Variants in CAMTA1 observed in about 807,000 individuals in gnomAD.
CAMTA1 encodes the protein calmodulin binding transcription activator 1, also known as calmodulin-binding transcription activator 1.
In CAMTA1, 27 loss-of-function variants were observed where a neutral mutation model predicts 170.9. That is an observed-to-expected ratio of 0.16 (90% CI 0.12 to 0.22). The LOEUF is 0.22. Among genes scored for constraint, CAMTA1 ranks in the 10% least tolerant of loss-of-function variants. The pLI, the probability that CAMTA1 is intolerant of heterozygous loss-of-function variation, is 1.00. For missense variants in CAMTA1, 1,619 were observed against 2,217.2 expected (o/e 0.73, Z 5.42); for synonymous variants, 833 against 891.5 (o/e 0.93, Z 1.17).
In CAMTA1 at chr1:7,732,391, G is replaced by C; in HGVS notation, c.2915-57G>C. The C allele has an allele frequency of 1.3e-6, 2 of 1,523,806 alleles. No homozygotes were observed. Among genetic ancestry groups the C allele is most frequent in the Non-Finnish European group, 1.8e-6 (2 of 1,099,748 alleles). The allele number at this position is 1,523,806 out of a possible 1,614,324, so 94.4% of individuals were successfully genotyped here. A position where few individuals can be genotyped will look rare whatever the true frequency, so the allele number is the denominator to read the frequency against. Reference sequence around the variant, plus strand: ...GGTCCCGCAAGGCTGGCGAGGCCACGTGTTGACTGCTTTTCTTCCAGAACA... The same window carrying C: ...GGTCCCGCAAGGCTGGCGAGGCCACCTGTTGACTGCTTTTCTTCCAGAACA... On this transcript the variant is annotated intron_variant, in intron 11 of 22. Transcript: ENST00000303635. This position sits in a 1 kb window ranked among gnomAD's most constrained non-coding sequence, Gnocchi z 4.1.
intron 3 of CAMTA1, among the ~76,000 whole-genome samples, chr1:6,905,865 A>G (rs1439607902): frequency 6.6e-6 from 1 of 152,144 alleles, no homozygotes. Context: ...GCCAGAGTGC[A>G]GAGTTGCTGC....
intron 4 of CAMTA1, among the ~76,000 whole-genome samples, chr1:7,114,480 T>C (rs1644248780): frequency 6.6e-6 from 1 of 151,476 alleles, no homozygotes; most frequent in Admixed American, 6.6e-5. Context: ...ACAAAAAAAC[T>C]CATAATGTTT....
At chr1:6,803,060 T>A (rs1002523974) in intron 1 of CAMTA1, among the ~76,000 whole-genome samples, 2 of 152,186 alleles carry the variant, frequency 1.3e-5, no homozygotes, top group African/African-American at 4.8e-5. Flanking sequence ...CAGAACTTTT[T>A]CTTTGAATAG....
chr1:7,584,056 G>A (rs2095286225), intron 6 of CAMTA1, among the ~76,000 whole-genome samples: 1 of 152,180 alleles, frequency 6.6e-6, no homozygotes, highest in Admixed American at 6.5e-5. Flanking sequence ...TAAACCCTTA[G>A]GGTGGGGACT....
Position 7,299,505 on chromosome 1 carries a change from T to C in CAMTA1, c.438+49879T>C, listed in dbSNP as rs1391752035. ...ATAGTCTGGGCAATTTGCCTCCTGC[T>C]GCTGCATGACTCAGACTCGGAGAGC... is the stretch of plus-strand genomic sequence containing the variant. On this transcript the variant is annotated intron_variant, in intron 5 of 22. Coordinates refer to ENST00000303635, the MANE Select transcript of CAMTA1 (RefSeq NM_015215.4). This position sits in a 1 kb window ranked among gnomAD's most constrained non-coding sequence, Gnocchi z 4.7. 6.6e-6 allele frequency among the ~76,000 whole-genome samples: 1 copy of C among 152,248 alleles called. No individual in the cohort carries two copies. Among genetic ancestry groups the C allele is most frequent in the African/African-American group, 2.4e-5 (1 of 41,472 alleles).
At chr1:7,750,080 G>A (rs562403979) in intron 19 of CAMTA1, among the ~76,000 whole-genome samples, 21 of 152,252 alleles carry the variant, frequency 1.4e-4, no homozygotes, top group East Asian at 1.3e-3. Flanking sequence ...TTCCCAAAGC[G>A]CTTCACTGTG....
chr1:6,832,233 G>A (rs1409061305), intron 3 of CAMTA1, among the ~76,000 whole-genome samples: 4 of 151,826 alleles, frequency 2.6e-5, no homozygotes, highest in Admixed American at 1.3e-4. Flanking sequence ...ATAGGTGCTC[G>A]CCACCACGGA....
intron 6 of CAMTA1, among the ~76,000 whole-genome samples, chr1:7,498,990 A>G (rs1445962067): frequency 9.7e-6 from 1 of 103,108 alleles, no homozygotes; most frequent in Non-Finnish European, 1.8e-5. Context: ...GTGCGTGTGT[A>G]TGTATATGAG....
In CAMTA1 at chr1:7,568,251, C is replaced by T. The variant is rs372738514; in HGVS notation, c.511-72149C>T. 2.6e-3 allele frequency among the ~76,000 whole-genome samples: 389 copies of T among 148,302 alleles called. 11 individuals are homozygous for T. In the South Asian group the frequency reaches 0.051, roughly 20 times the overall value. On this transcript the variant is annotated intron_variant, in intron 6 of 22. Transcript: ENST00000303635. ...CACCATCCATCATCAACATCACCGT[C>T]GTCATCATCACCAAATCACCATCAT...
intron 3 of CAMTA1, among the ~76,000 whole-genome samples, chr1:7,031,027 T>C (rs1013924483): frequency 2.5e-5 from 3 of 119,984 alleles, no homozygotes; most frequent in Non-Finnish European, 3.5e-5. Context: ...TTTTTTTTTT[T>C]AGTAGAGACA....
intron 6 of CAMTA1, among the ~76,000 whole-genome samples, chr1:7,617,569 C>T (rs1201076798): frequency 6.6e-6 from 1 of 151,992 alleles, no homozygotes; most frequent in Non-Finnish European, 1.5e-5. Context: ...CTGATGAGGT[C>T]CTCAATCTCA....
intron 3 of CAMTA1, among the ~76,000 whole-genome samples, chr1:6,861,214 C>G (rs1664566165): frequency 6.6e-6 from 1 of 152,058 alleles, no homozygotes; most frequent in African/African-American, 2.4e-5. Context: ...CCTTGGCCTC[C>G]CAAAGTTCTG....
chr1:7,344,748 C>CTT (rs70984076), intron 5 of CAMTA1, among the ~76,000 whole-genome samples: 48 of 142,594 alleles, frequency 3.4e-4, no homozygotes, highest in East Asian at 1.2e-3. Flanking sequence ...CTGCTCAAGT[C>CTT]TTTTTTTTTT....
At chr1:7,127,499 C>T (rs983265808) in intron 4 of CAMTA1, among the ~76,000 whole-genome samples, 1 of 152,064 alleles carries the variant, frequency 6.6e-6, no homozygotes, top group African/African-American at 2.4e-5. Flanking sequence ...TCTCAAGACT[C>T]AGGCAGTTAA....
intron 3 of CAMTA1, among the ~76,000 whole-genome samples, chr1:6,990,978 A>G (rs529180885): frequency 5.3e-5 from 8 of 152,084 alleles, no homozygotes; most frequent in Non-Finnish European, 8.8e-5. Flanking sequence ...ACGTAGCTTT[A>G]AACATGTCCT....
chr1:7,055,912 G>C (rs1299716303), intron 3 of CAMTA1, among the ~76,000 whole-genome samples: 1 of 152,168 alleles, frequency 6.6e-6, no homozygotes. Context: ...GTTACAGCGA[G>C]TCCCCTGCCC....
At chr1:7,661,240 G>A (rs1330398464) in intron 7 of CAMTA1, among the ~76,000 whole-genome samples, 1 of 152,266 alleles carries the variant, frequency 6.6e-6, no homozygotes. Flanking sequence ...CCCCAGGGTG[G>A]GGCCACCTCC....
chr1:7,150,263 C>T (rs757479856), intron 4 of CAMTA1, among the ~76,000 whole-genome samples: 53 of 152,208 alleles, frequency 3.5e-4, no homozygotes, highest in Non-Finnish European at 5.9e-4. Context: ...TGGCCTGGAC[C>T]GGCAGGTGGG....
chr1:7,279,639 C>T (rs1013078628), intron 5 of CAMTA1, among the ~76,000 whole-genome samples: 1 of 152,098 alleles, frequency 6.6e-6, no homozygotes, highest in Non-Finnish European at 1.5e-5. Context: ...TCCTGGCCTC[C>T]GACCCCATGC....
Sources: gnomAD v4.1 joint callset for allele counts (sites outside exome capture counted in the v4.1 genomes callset) on GRCh38, gnomAD v4.1.1 for gene constraint, Gnocchi (gnomAD v3.1) non-coding constraint, MANE v1.5 for transcripts, NCBI Gene and HGNC (gene_info 2026-07-23, HGNC 2026-07-21) for gene names.